Variants in NEGR1 observed in about 807,000 individuals in gnomAD.
NEGR1 encodes neuronal growth regulator 1.
A neutral mutation model predicts 40.9 loss-of-function variants in NEGR1; 10 were observed. The observed-to-expected ratio is 0.24, with a 90% confidence interval of 0.15 to 0.42. The LOEUF is 0.42. NEGR1 is among the 10% of genes least tolerant of loss of function. The probability of loss-of-function intolerance (pLI) is 1.00; values close to 1 mark genes in which losing one functional copy is unlikely to be tolerated. For synonymous variants in NEGR1, 185 were observed against 166.8 expected, an observed-to-expected ratio of 1.11 and a Z score of -0.84; for missense variants, 352 against 438.9, an observed-to-expected ratio of 0.80 and a Z score of 1.77.
At chr1:71,942,455 C>CTATCTATCTATATATATA (rs1342537095) in intron 1 of NEGR1, among the ~76,000 whole-genome samples, 2 of 21,298 alleles carry the variant, frequency 9.4e-5, no homozygotes, top group Admixed American at 1.3e-3. Flanking sequence ...TTCTTTAAAT[C>CTATCTATCTATATATATA]TATATATATA....
intron 1 of NEGR1, among the ~76,000 whole-genome samples, chr1:72,044,973 G>T (rs1646988220): frequency 6.6e-6 from 1 of 151,740 alleles, no homozygotes; most frequent in African/African-American, 2.4e-5. Context: ...AGATTTTGTA[G>T]AATTATAGGG....
intron 2 of NEGR1, among the ~76,000 whole-genome samples, chr1:71,781,611 A>G (rs956967603): frequency 1.3e-5 from 2 of 152,192 alleles, no homozygotes; most frequent in East Asian, 1.9e-4. Context: ...CTCACAGATT[A>G]CTGAAAAACA....
intron 1 of NEGR1, among the ~76,000 whole-genome samples, chr1:72,197,147 G>A (rs920459729): frequency 1.3e-5 from 2 of 151,918 alleles, no homozygotes; most frequent in African/African-American, 4.8e-5. Context: ...AGAAGTCAAT[G>A]TTTTATTGTT....
intron 6 of NEGR1, among the ~76,000 whole-genome samples, chr1:71,536,593 T>C (rs1647524151): frequency 1.3e-5 from 2 of 151,840 alleles, no homozygotes; most frequent in Middle Eastern, 3.4e-3. Context: ...CAGGTATTCC[T>C]TTACAGCAAC....
chr1:71,599,121 A>G (rs952239418), intron 5 of NEGR1, among the ~76,000 whole-genome samples: 1 of 152,198 alleles, frequency 6.6e-6, no homozygotes, highest in Non-Finnish European at 1.5e-5. Flanking sequence ...GCCAATCACA[A>G]AGTGTTAATG....
At chr1:71,677,498 G>A (rs1213640019) in intron 4 of NEGR1, among the ~76,000 whole-genome samples, 74 of 152,116 alleles carry the variant, frequency 4.9e-4, no homozygotes, top group Non-Finnish European at 4.4e-5. Flanking sequence ...GGGTTCTTGT[G>A]TAAAGTTATC....
chr1:71,614,437 C>T (rs986689162), intron 4 of NEGR1, among the ~76,000 whole-genome samples: 7 of 151,932 alleles, frequency 4.6e-5, no homozygotes, highest in African/African-American at 1.5e-4. Flanking sequence ...CCTGCAAAAG[C>T]CAATTAAATA....
intron 1 of NEGR1, among the ~76,000 whole-genome samples, chr1:72,134,768 G>A (rs373741242): frequency 3.3e-5 from 5 of 149,364 alleles, no homozygotes; most frequent in African/African-American, 7.4e-5. Flanking sequence ...ATGGAGTTTC[G>A]CTCTTGTTGC....
At chr1:72,281,215 TAGAA>T (rs1317525989) in intron 1 of NEGR1, among the ~76,000 whole-genome samples, 2 of 151,256 alleles carry the variant, frequency 1.3e-5, no homozygotes, top group Non-Finnish European at 2.9e-5. Context: ...AAAAAGGGGA[TAGAA>T]AGACACAGAA....
intron 1 of NEGR1, among the ~76,000 whole-genome samples, chr1:72,108,210 A>G (rs1459370123): frequency 2.0e-5 from 3 of 151,670 alleles, no homozygotes; most frequent in Admixed American, 6.6e-5. Context: ...GGGATATTTT[A>G]TGACAAAAAG....
At chr1:72,210,846 G>C (rs1440562529) in intron 1 of NEGR1, among the ~76,000 whole-genome samples, 1 of 151,712 alleles carries the variant, frequency 6.6e-6, no homozygotes, top group Non-Finnish European at 1.5e-5. Flanking sequence ...AAAAAACAAG[G>C]TTCACTGATA....
intron 1 of NEGR1, among the ~76,000 whole-genome samples, chr1:72,240,785 T>A (rs1401896855): frequency 6.6e-6 from 1 of 151,782 alleles, no homozygotes; most frequent in Non-Finnish European, 1.5e-5. Context: ...CACCAGAGAG[T>A]TCTTTTCCAA....
intron 2 of NEGR1, among the ~76,000 whole-genome samples, chr1:71,813,060 T>C (rs921314842): frequency 6.6e-6 from 1 of 152,166 alleles, no homozygotes; most frequent in Admixed American, 6.6e-5. Context: ...TTTTTACAAA[T>C]TTGGATTTTA....
chr1:71,971,618 A>G (rs1646257360), intron 1 of NEGR1, among the ~76,000 whole-genome samples: 1 of 152,206 alleles, frequency 6.6e-6, no homozygotes, highest in Admixed American at 6.5e-5. Context: ...AACAATTAAA[A>G]ATATTTTGGT....
At chr1:71,519,612 G>A (rs1373385578) in intron 6 of NEGR1, among the ~76,000 whole-genome samples, 100 of 120,922 alleles carry the variant, frequency 8.3e-4, no homozygotes, top group Middle Eastern at 3.6e-3. Flanking sequence ...ATAGCATTGG[G>A]AGATATACCT....
intron 3 of NEGR1, among the ~76,000 whole-genome samples, chr1:71,706,784 A>G (rs745986569): frequency 6.6e-6 from 1 of 151,710 alleles, no homozygotes; most frequent in African/African-American, 2.4e-5. Context: ...AAAGGACCCA[A>G]TCCTGCCAGC....
chr1:72,128,320 A>G (rs1180096778), intron 1 of NEGR1, among the ~76,000 whole-genome samples: 2 of 152,224 alleles, frequency 1.3e-5, no homozygotes, highest in African/African-American at 2.4e-5. Flanking sequence ...ATTGGCAAAG[A>G]GCAGGTGTGG....
At chr1:71,527,447 C>CCATA (rs1363815520) in intron 6 of NEGR1, among the ~76,000 whole-genome samples, 2 of 143,304 alleles carry the variant, frequency 1.4e-5, no homozygotes, top group African/African-American at 5.1e-5. Flanking sequence ...ATCCATCCAT[C>CCATA]CATGGGTAAT....
intron 1 of NEGR1, among the ~76,000 whole-genome samples, chr1:71,937,203 G>C (rs1264685347): frequency 6.6e-6 from 1 of 152,100 alleles, no homozygotes; most frequent in Non-Finnish European, 1.5e-5. Context: ...AAAGGTCACT[G>C]TTAATTGAAA....
Sources: allele counts gnomAD v4.1 joint callset (sites outside exome capture counted in the v4.1 genomes callset), GRCh38; gene constraint gnomAD v4.1.1; transcripts MANE v1.5; gene names NCBI Gene and HGNC (gene_info 2026-07-23, HGNC 2026-07-21).